The following ZNF827 variants were observed in gnomAD, a reference collection of about 807,000 sequenced individuals.
The protein encoded by ZNF827 is zinc finger protein 827.
Under a neutral mutation model 102.4 loss-of-function variants are expected in ZNF827, and 13 were observed. That is an observed-to-expected ratio of 0.13 (90% CI 0.08 to 0.20). The LOEUF (loss-of-function observed/expected upper bound fraction) is 0.20, where lower values mean the gene tolerates loss of function less well. Ranked by LOEUF, ZNF827 falls within the 10% of genes least tolerant of loss-of-function variation. The probability of loss-of-function intolerance (pLI) is 1.00; values close to 1 mark genes in which losing one functional copy is unlikely to be tolerated. For synonymous variants in ZNF827, 523 were observed against 536.2 expected, an observed-to-expected ratio of 0.98 and a Z score of 0.34; for missense variants, 1,103 against 1,344.4, an observed-to-expected ratio of 0.82 and a Z score of 2.81.
Position 145,775,954 on chromosome 4 carries a change from C to T in ZNF827, c.2528G>A (p.Arg843Lys). ...GGGGCACAAGTGGCATTTGTATTTT[C>T]TTTCCTCTGGGGGAGAAGGAACAGG... ...SRHLSLHTEE[R>K]KYKCHLCPYA... is the part of the protein sequence containing the mutation. The change falls in exon 10 of 15, where the codon AGA becomes AAA. Residue 843 changes from arginine (R) to lysine (K), a missense_variant. This residue lies in a region of ZNF827 where 242 missense variants were observed against 361.9 expected (regional missense o/e 0.67). Coordinates refer to ENST00000508784, the MANE Select transcript of ZNF827 (RefSeq NM_001306215.2). 1 of 1,614,150 alleles carries T rather than the reference C, an allele frequency of 6.2e-7. No homozygotes were observed. The highest frequency in any genetic ancestry group is 8.5e-7 in the Non-Finnish European group (1 of 1,180,018).
chr4:145,769,900 T>G (rs1212133682), intron 11 of ZNF827, among the ~76,000 whole-genome samples: 1 of 152,222 alleles, frequency 6.6e-6, no homozygotes, highest in Non-Finnish European at 1.5e-5. Context: ...ACCAATCATC[T>G]TGCTTCCTCA....
At chr4:145,823,809 C>T (rs1227950744) in intron 7 of ZNF827, among the ~76,000 whole-genome samples, 1 of 152,188 alleles carries the variant, frequency 6.6e-6, no homozygotes, top group Non-Finnish European at 1.5e-5. Flanking sequence ...GACAGCTGTG[C>T]AGTACATTTT....
intron 8 of ZNF827, among the ~76,000 whole-genome samples, chr4:145,799,037 G>T (rs77114606): frequency 0.025 from 3,863 of 152,314 alleles, 69 homozygotes; most frequent in Non-Finnish European, 0.039. Context: ...ATGTTCTGAT[G>T]TAAGAAGCTG....
intron 11 of ZNF827, among the ~76,000 whole-genome samples, chr4:145,773,984 G>A (rs185369101): frequency 2.6e-5 from 4 of 152,244 alleles, no homozygotes; most frequent in Admixed American, 6.5e-5. Context: ...ACTGTTCTGG[G>A]CTGAGTTTCA....
At position 145,902,894 on chromosome 4, in the gene ZNF827, T is replaced by A; in HGVS notation, c.365A>T (p.Asn122Ile). 6.2e-7 allele frequency: 1 copy of A among 1,614,086 alleles called. No homozygotes were observed. The highest frequency in any genetic ancestry group is 2.2e-5 in the East Asian group (1 of 44,880). The change falls in exon 2 of 15, where the codon AAT becomes ATT. Residue 122 changes from asparagine to isoleucine, a missense_variant. Physicochemically the swap from Asn to Ile is moderately radical, Grantham distance 149 (BLOSUM62 -3). Around this residue, in one of 5 missense-constraint regions of ZNF827, gnomAD observed 441 missense variants for 458.6 expected, o/e 0.96. Coordinates refer to ENST00000508784, the MANE Select transcript of ZNF827 (RefSeq NM_001306215.2). The surrounding 1 kb of genome is among the most constrained non-coding windows in gnomAD (Gnocchi z 4.3). ...ACCAGCCTCCAGCAGCCGCCTCAAA[T>A]TGCTGCTCAGGGGCTTGTTGGAGCC... Reference protein sequence around the residue: ...DPGSNKPLSSNLRRLLEAGSL... With the variant: ...DPGSNKPLSSILRRLLEAGSL...
chr4:145,846,515 C>A (rs181128753), intron 6 of ZNF827, among the ~76,000 whole-genome samples: 42 of 140,766 alleles, frequency 3.0e-4, no homozygotes, highest in Non-Finnish European at 6.2e-4. Context: ...ACAACAACAA[C>A]AAAAAACAAC....
intron 1 of ZNF827, among the ~76,000 whole-genome samples, chr4:145,921,632 A>G (rs1326155687): frequency 6.6e-6 from 1 of 152,068 alleles, no homozygotes; most frequent in Non-Finnish European, 1.5e-5. Context: ...GAAGAAATTC[A>G]ATGAGGGGAG....
intron 1 of ZNF827, among the ~76,000 whole-genome samples, chr4:145,920,097 G>C (rs1373015576): frequency 6.6e-6 from 1 of 152,250 alleles, no homozygotes; most frequent in Non-Finnish European, 1.5e-5. Context: ...ACCTGGCACA[G>C]AGTTGACGCT....
intron 8 of ZNF827, among the ~76,000 whole-genome samples, chr4:145,823,099 C>T (rs1053365319): frequency 5.3e-5 from 8 of 152,008 alleles, no homozygotes; most frequent in African/African-American, 1.9e-4. Context: ...TCCTGGCTGC[C>T]GGCCTGAAAT....
chr4:145,852,731 C>G (rs1366242426), intron 5 of ZNF827, among the ~76,000 whole-genome samples: 1 of 152,098 alleles, frequency 6.6e-6, no homozygotes, highest in East Asian at 1.9e-4. Flanking sequence ...CACTAGATAC[C>G]AGTAGCATTA....
intron 4 of ZNF827, 50 bp downstream of exon 4, chr4:145,885,627 AG>A: frequency 6.8e-7 from 1 of 1,474,792 alleles, no homozygotes; most frequent in South Asian, 1.4e-5. Context: ...AGAGAGAGAG[AG>A]AGAGAGAGAG....
chr4:145,857,958 A>G (rs1326754830), intron 5 of ZNF827, among the ~76,000 whole-genome samples: 2 of 152,242 alleles, frequency 1.3e-5, no homozygotes, highest in East Asian at 3.8e-4. Flanking sequence ...AAAAGGCAGA[A>G]AAAAGAAAAA....
At chr4:145,809,546 G>T (rs1291120171) in intron 8 of ZNF827, among the ~76,000 whole-genome samples, 3 of 152,332 alleles carry the variant, frequency 2.0e-5, no homozygotes, top group Middle Eastern at 3.4e-3. Context: ...TAAAATGAAG[G>T]TGTAGTTTCT....
intron 7 of ZNF827, among the ~76,000 whole-genome samples, chr4:145,825,736 A>G (rs1238145555): frequency 1.3e-5 from 2 of 152,184 alleles, no homozygotes; most frequent in Non-Finnish European, 2.9e-5. Flanking sequence ...AAAAGTGTGG[A>G]TTCCTGCTGA....
intron 5 of ZNF827, among the ~76,000 whole-genome samples, chr4:145,852,116 CA>C (rs1383019609): frequency 3.9e-5 from 6 of 152,176 alleles, no homozygotes; most frequent in Admixed American, 1.3e-4. Flanking sequence ...GGCCTGGGGA[CA>C]AACACAAAAG....
At chr4:145,787,323 C>T (rs1296774515) in intron 8 of ZNF827, among the ~76,000 whole-genome samples, 3 of 151,932 alleles carry the variant, frequency 2.0e-5, no homozygotes, top group Admixed American at 6.6e-5. Context: ...ATTAGCTGAG[C>T]GTGGTGGCGC....
chr4:145,803,388 A>C (rs1741107211), intron 8 of ZNF827, among the ~76,000 whole-genome samples: 1 of 152,146 alleles, frequency 6.6e-6, no homozygotes, highest in Admixed American at 6.5e-5. Flanking sequence ...AATTTGAAAA[A>C]AAAATGAGCT....
rs184169233 is a variant in ZNF827, at chr4:145,768,370, G to T, written c.2861-2632C>A. Among the ~76,000 whole-genome samples the T allele has an allele frequency of 2.8e-3, 427 of 152,136 alleles. 1 individual carries two copies. Among genetic ancestry groups the T allele is most frequent in the African/African-American group, 9.8e-3 (406 of 41,486 alleles). ...AGAAGAGACAGGGTTTCACCATGTT[G>T]GCCAGGCTGGTCTTGAACTCCTGAC... On this transcript the variant is annotated intron_variant, in intron 11 of 14. Transcript: ENST00000508784.
At chr4:145,891,329 A>G (rs375472347) in intron 3 of ZNF827, among the ~76,000 whole-genome samples, 11 of 152,232 alleles carry the variant, frequency 7.2e-5, no homozygotes, top group African/African-American at 2.7e-4. Context: ...TAACTTGCTC[A>G]AGGCCACTTA....
Sources: allele counts gnomAD v4.1 joint callset (sites outside exome capture counted in the v4.1 genomes callset), GRCh38; gene constraint gnomAD v4.1.1; regional missense constraint gnomAD v4.1.1; non-coding constraint Gnocchi (gnomAD v3.1); transcripts MANE v1.5; gene names NCBI Gene and HGNC (gene_info 2026-07-23, HGNC 2026-07-21).